Variants in FHIT observed in about 807,000 individuals in gnomAD.
FHIT encodes the protein bis(5'-adenosyl)-triphosphatase.
In FHIT, 19 loss-of-function variants were observed where a neutral mutation model predicts 17.9. The ratio of observed to expected loss-of-function variants is 1.06; its 90% CI spans 0.74 to 1.56. FHIT has a LOEUF of 1.56. Among genes scored for constraint, FHIT ranks in the 40% most tolerant of loss-of-function variants. The probability of loss-of-function intolerance (pLI) is 0.00; values close to 1 mark genes in which losing one functional copy is unlikely to be tolerated. For synonymous variants in FHIT, 81 were observed against 69.7 expected (o/e 1.16, Z -0.81); for missense variants, 248 against 189.2 (o/e 1.31, Z -1.82).
At chr3:60,166,821 C>T (rs1384108898) in intron 5 of FHIT, among the ~76,000 whole-genome samples, 2 of 152,122 alleles carry the variant, frequency 1.3e-5, no homozygotes. Context: ...TGCCCTGCCA[C>T]CTTAATACCA....
intron 8 of FHIT, among the ~76,000 whole-genome samples, chr3:59,768,278 C>T (rs1701899517): frequency 6.6e-6 from 1 of 152,222 alleles, no homozygotes; most frequent in Non-Finnish European, 1.5e-5. Flanking sequence ...CTGGTCCTGA[C>T]TTACTGGTCC....
intron 5 of FHIT, among the ~76,000 whole-genome samples, chr3:60,433,818 T>C (rs890922367): frequency 6.6e-6 from 1 of 152,150 alleles, no homozygotes; most frequent in Non-Finnish European, 1.5e-5. Context: ...ATATTTTGCA[T>C]ATTAGATGCA....
chr3:60,681,021 GA>G (rs1216443391), intron 4 of FHIT, among the ~76,000 whole-genome samples: 1 of 152,132 alleles, frequency 6.6e-6, no homozygotes, highest in African/African-American at 2.4e-5. Flanking sequence ...AGTGATCGAG[GA>G]TATAATTTTT....
chr3:60,841,970 T>G (rs782778647), intron 3 of FHIT, among the ~76,000 whole-genome samples: 2 of 152,208 alleles, frequency 1.3e-5, no homozygotes, highest in Non-Finnish European at 2.9e-5. Context: ...GGCTGAGGCC[T>G]TTAGATGTGA....
chr3:60,580,709 T>G lies in FHIT; in HGVS notation c.-17-43730A>C, dbSNP rs1464368107. On this transcript the variant is annotated intron_variant, in intron 4 of 9. Coordinates refer to ENST00000492590, the MANE Select transcript of FHIT (RefSeq NM_002012.4). ...CTTGGCAATGCACTGCCTTTGTCAC[T>G]CAGGTAAGTCACTTCTTCCTTACAA... is the stretch of plus-strand genomic sequence containing the variant. Among the ~76,000 whole-genome samples, 2 of 152,180 alleles carry G rather than the reference T, an allele frequency of 1.3e-5. 1 individual carries two copies. Among genetic ancestry groups the G allele is most frequent in the African/African-American group, 4.8e-5 (2 of 41,542 alleles).
At chr3:59,958,306 G>C (rs1461721784) in intron 7 of FHIT, among the ~76,000 whole-genome samples, 1 of 152,072 alleles carries the variant, frequency 6.6e-6, no homozygotes, top group African/African-American at 2.4e-5. Flanking sequence ...CATGTGTATT[G>C]ATTCTTTTAA....
At chr3:60,199,718 A>G (rs1702810515) in intron 5 of FHIT, among the ~76,000 whole-genome samples, 1 of 152,172 alleles carries the variant, frequency 6.6e-6, no homozygotes, top group Admixed American at 6.6e-5. Context: ...AAGGTCAATG[A>G]TAAGACTATT....
chr3:59,787,995 G>A (rs1009920847), intron 8 of FHIT, among the ~76,000 whole-genome samples: 22 of 152,290 alleles, frequency 1.4e-4, no homozygotes, highest in African/African-American at 4.6e-4. Flanking sequence ...TCTAGGAAGT[G>A]CCCTCCTTTA....
chr3:60,135,212 G>C (rs1699765404), intron 5 of FHIT, among the ~76,000 whole-genome samples: 1 of 152,104 alleles, frequency 6.6e-6, no homozygotes. Context: ...TCTATTACCA[G>C]GGTCACATAC....
At chr3:61,197,671 C>T (rs902078507) in intron 2 of FHIT, among the ~76,000 whole-genome samples, 3 of 152,118 alleles carry the variant, frequency 2.0e-5, no homozygotes, top group African/African-American at 7.2e-5. Context: ...AGGGTAAGAA[C>T]AGTGTTCAAA....
At chr3:60,204,568 G>C (rs1703078100) in intron 5 of FHIT, among the ~76,000 whole-genome samples, 1 of 151,796 alleles carries the variant, frequency 6.6e-6, no homozygotes, top group Non-Finnish European at 1.5e-5. Context: ...TGGGATTACA[G>C]GGGTGAGCCA....
chr3:61,026,483 T>C (rs1380982882), intron 3 of FHIT, among the ~76,000 whole-genome samples: 1 of 152,202 alleles, frequency 6.6e-6, no homozygotes, highest in Admixed American at 6.5e-5. Context: ...CCAACATTGC[T>C]GCACTTTTTT....
chr3:59,907,845 A>G (rs933531638), intron 8 of FHIT, among the ~76,000 whole-genome samples: 1 of 152,182 alleles, frequency 6.6e-6, no homozygotes, highest in African/African-American at 2.4e-5. Context: ...TCCTTTTTGG[A>G]GGCTCTTTGC....
At chr3:59,803,787 C>G (rs1448896072) in intron 8 of FHIT, among the ~76,000 whole-genome samples, 1 of 152,052 alleles carries the variant, frequency 6.6e-6, no homozygotes, top group African/African-American at 2.4e-5. Context: ...AATAATAAAT[C>G]CCTATTTGCT....
chr3:60,041,815 G>A (rs375921881), intron 5 of FHIT, among the ~76,000 whole-genome samples: 1 of 152,152 alleles, frequency 6.6e-6, no homozygotes, highest in South Asian at 2.1e-4. Context: ...AAGGTCAAGA[G>A]AAGGGCAGAT....
At chr3:60,849,463 T>C (rs1042167752) in intron 3 of FHIT, among the ~76,000 whole-genome samples, 1 of 144,952 alleles carries the variant, frequency 6.9e-6, no homozygotes, top group Non-Finnish European at 1.5e-5. Flanking sequence ...TATATATATA[T>C]AAAATTATTA....
At chr3:59,889,182 A>T (rs1703747010) in intron 8 of FHIT, among the ~76,000 whole-genome samples, 1 of 152,200 alleles carries the variant, frequency 6.6e-6, no homozygotes, top group Admixed American at 6.5e-5. Context: ...CTAACCTGGG[A>T]TGATATTCAA....
At chr3:59,874,229 C>T (rs1316009390) in intron 8 of FHIT, among the ~76,000 whole-genome samples, 1 of 152,196 alleles carries the variant, frequency 6.6e-6, no homozygotes, top group East Asian at 1.9e-4. Context: ...TCAAGTCCAT[C>T]GATCCAACTT....
chr3:60,016,947 G>A (rs1700366305), intron 5 of FHIT, among the ~76,000 whole-genome samples: 1 of 152,068 alleles, frequency 6.6e-6, no homozygotes, highest in Non-Finnish European at 1.5e-5. Context: ...TTCCCATGTT[G>A]AAGATGAATT....
Sources: allele counts gnomAD v4.1 joint callset (sites outside exome capture counted in the v4.1 genomes callset), GRCh38; gene constraint gnomAD v4.1.1; transcripts MANE v1.5; gene names NCBI Gene and HGNC (gene_info 2026-07-23, HGNC 2026-07-21).